Variants in RBM47 observed in about 807,000 individuals in gnomAD.
RBM47 encodes RNA binding motif protein 47.
A neutral mutation model predicts 47.1 loss-of-function variants in RBM47; 21 were observed. The ratio of observed to expected loss-of-function variants is 0.45; its 90% CI spans 0.32 to 0.64. The LOEUF (loss-of-function observed/expected upper bound fraction) is 0.64, where lower values mean the gene tolerates loss of function less well. RBM47 is among the 30% of genes least tolerant of loss of function. The pLI is 0.05. For synonymous variants in RBM47, 375 were observed against 361.7 expected, an observed-to-expected ratio of 1.04 and a Z score of -0.42; for missense variants, 708 against 870.9, an observed-to-expected ratio of 0.81 and a Z score of 2.35.
intron 6 of RBM47, among the ~76,000 whole-genome samples, chr4:40,430,893 C>T (rs1464707497): frequency 6.6e-6 from 1 of 151,938 alleles, no homozygotes; most frequent in Non-Finnish European, 1.5e-5. Context: ...TCAATACCAG[C>T]TTGGGCAACA....
At chr4:40,533,793 G>C (rs1727639561) in intron 2 of RBM47, among the ~76,000 whole-genome samples, 1 of 151,964 alleles carries the variant, frequency 6.6e-6, no homozygotes, top group Non-Finnish European at 1.5e-5. Flanking sequence ...TGGGACTACA[G>C]GTGCGTGCCA....
chr4:40,489,108 C>A (rs1274059073), intron 2 of RBM47, among the ~76,000 whole-genome samples: 3 of 152,182 alleles, frequency 2.0e-5, no homozygotes, highest in Non-Finnish European at 2.9e-5. Flanking sequence ...CTCATGTATT[C>A]AGTTGCCCTG....
chr4:40,479,619 TATATAA>T (rs1427373317), intron 2 of RBM47, among the ~76,000 whole-genome samples: 4 of 151,590 alleles, frequency 2.6e-5, no homozygotes, highest in Admixed American at 1.3e-4. Context: ...AATAAATAAA[TATATAA>T]ATATAAATAA....
At chr4:40,460,888 CAAAAAAAA>C (rs35536750) in intron 3 of RBM47, among the ~76,000 whole-genome samples, 4 of 92,974 alleles carry the variant, frequency 4.3e-5, no homozygotes, top group Admixed American at 1.3e-4. Flanking sequence ...GACTCTGTCT[CAAAAAAAA>C]AAAAAAAAAA....
intron 1 of RBM47, among the ~76,000 whole-genome samples, chr4:40,547,222 C>A (rs916059935): frequency 2.6e-5 from 4 of 152,180 alleles, no homozygotes; most frequent in Non-Finnish European, 5.9e-5. Flanking sequence ...CCCTGCCCTG[C>A]CAAATTCATA....
In RBM47 at chr4:40,465,141, G is replaced by A. The variant is rs1041514601; in HGVS notation, c.-32+1436C>T. Among the ~76,000 whole-genome samples the A allele has an allele frequency of 2.6e-5, 4 of 151,980 alleles. 1 individual carries two copies. Among genetic ancestry groups the A allele is most frequent in the African/African-American group, 9.7e-5 (4 of 41,376 alleles). On this transcript the variant is annotated intron_variant, in intron 3 of 6. Coordinates refer to ENST00000295971, the MANE Select transcript of RBM47 (RefSeq NM_001098634.2). ...GACTAAATCCAAAACCCAGCCTAGG[G>A]AACATGAAGACAAAGTACCTATTTT... is the stretch of plus-strand genomic sequence containing the variant.
rs553610267 is a variant in RBM47 at position 40,572,010 on chromosome 4, G to A, written c.-239-27504C>T. ...TGTACTCCAGCCTGGGCAACAGAGC[G>A]AGACTCCATCTCAAAAAGAAAAAAA... On this transcript the variant is annotated intron_variant, in intron 1 of 6. Coordinates refer to ENST00000295971, the MANE Select transcript of RBM47 (RefSeq NM_001098634.2). Among the ~76,000 whole-genome samples the A allele has an allele frequency of 4.7e-4, 67 of 141,898 alleles. 1 individual carries two copies. The highest frequency in any genetic ancestry group is 1.7e-3 in the African/African-American group (60 of 36,344). The allele number at this position is 141,898 out of a possible 152,430, so 93.1% of individuals were successfully genotyped here. A position where few individuals can be genotyped will look rare whatever the true frequency, so the allele number is the denominator to read the frequency against.
intron 2 of RBM47, among the ~76,000 whole-genome samples, chr4:40,533,302 T>C (rs4304007): frequency 0.19 from 28,463 of 151,678 alleles, 3,040 homozygotes; most frequent in African/African-American, 0.28. Context: ...GGTGTGGTGG[T>C]GCATGCCTGT....
intron 1 of RBM47, among the ~76,000 whole-genome samples, chr4:40,584,413 TTTGA>T (rs1213266553): frequency 6.6e-6 from 1 of 152,204 alleles, no homozygotes; most frequent in Non-Finnish European, 1.5e-5. Flanking sequence ...GAGACACGTA[TTTGA>T]TTAATTTTCT....
chr4:40,587,659 G>A (rs1319658855), intron 1 of RBM47, among the ~76,000 whole-genome samples: 1 of 152,182 alleles, frequency 6.6e-6, no homozygotes, highest in African/African-American at 2.4e-5. Flanking sequence ...AGACCTTCCA[G>A]CACTTTCCTT....
chr4:40,617,681 T>C (rs1017929162), intron 1 of RBM47, among the ~76,000 whole-genome samples: 1 of 150,836 alleles, frequency 6.6e-6, no homozygotes, highest in African/African-American at 2.4e-5. Flanking sequence ...ACTAATGTGA[T>C]TGAATATTAA....
chr4:40,428,741 T>C (rs1256394134), intron 6 of RBM47, among the ~76,000 whole-genome samples: 2 of 152,110 alleles, frequency 1.3e-5, no homozygotes, highest in Non-Finnish European at 2.9e-5. Flanking sequence ...CCCAAACCCA[T>C]GGCTTCTCTT....
chr4:40,541,001 G>T (rs1357157691), intron 2 of RBM47, among the ~76,000 whole-genome samples: 1 of 151,476 alleles, frequency 6.6e-6, no homozygotes, highest in Non-Finnish European at 1.5e-5. Flanking sequence ...GACTTTTTTT[G>T]AATCAAGCCA....
intron 2 of RBM47, among the ~76,000 whole-genome samples, chr4:40,497,177 G>A (rs1482224283): frequency 1.3e-5 from 2 of 151,988 alleles, no homozygotes; most frequent in Non-Finnish European, 1.5e-5. Flanking sequence ...TCCCAAGTTC[G>A]ACCCCTCTCC....
intron 1 of RBM47, among the ~76,000 whole-genome samples, chr4:40,583,053 A>C (rs770648925): frequency 1.5e-4 from 23 of 152,222 alleles, no homozygotes; most frequent in Non-Finnish European, 3.4e-4. Context: ...TACAGAAGAG[A>C]CAGGGAAAAG....
At chr4:40,520,520 T>C (rs1462836709) in intron 2 of RBM47, among the ~76,000 whole-genome samples, 2 of 152,210 alleles carry the variant, frequency 1.3e-5, no homozygotes, top group Non-Finnish European at 2.9e-5. Context: ...TAGTATATAT[T>C]TGGCCTGCAG....
At chr4:40,528,125 G>A (rs576758621) in intron 2 of RBM47, among the ~76,000 whole-genome samples, 2 of 152,272 alleles carry the variant, frequency 1.3e-5, no homozygotes, top group South Asian at 4.1e-4. Flanking sequence ...CCATAGAAAT[G>A]TTTTGGGCCA....
Position 40,437,112 on chromosome 4 carries a change from A to T in RBM47, c.1124-465T>A, listed in dbSNP as rs1351006983. Among the ~76,000 whole-genome samples, 160 of 71,578 alleles carry T rather than the reference A, an allele frequency of 2.2e-3. 11 individuals are homozygous for T. The highest frequency in any genetic ancestry group is 0.014 in the African/African-American group (150 of 10,922). The allele number at this position is 71,578 out of a possible 152,430, so 47.0% of individuals were successfully genotyped here. ...AAAAATATATATATATATATATATA[A>T]AATACATATATATATATATAAAATA... is the stretch of plus-strand genomic sequence containing the variant. On this transcript the variant is annotated intron_variant, in intron 4 of 6. Coordinates refer to ENST00000295971, the MANE Select transcript of RBM47 (RefSeq NM_001098634.2).
intron 2 of RBM47, among the ~76,000 whole-genome samples, chr4:40,535,552 T>C (rs1727884138): frequency 6.6e-6 from 1 of 150,578 alleles, no homozygotes; most frequent in Non-Finnish European, 1.5e-5. Context: ...TTGTATTTTT[T>C]TTTTTCGTTT....
Sources: allele counts gnomAD v4.1 joint callset (sites outside exome capture counted in the v4.1 genomes callset), GRCh38; gene constraint gnomAD v4.1.1; transcripts MANE v1.5; gene names NCBI Gene and HGNC (gene_info 2026-07-23, HGNC 2026-07-21).